The following PSMD1 variants were observed in gnomAD, a reference collection of about 807,000 sequenced individuals.
PSMD1 encodes proteasome 26S subunit, non-ATPase 1.
In PSMD1, 18 loss-of-function variants were observed where a neutral mutation model predicts 119.0. The ratio of observed to expected loss-of-function variants is 0.15; its 90% CI spans 0.10 to 0.22. The LOEUF (loss-of-function observed/expected upper bound fraction) is 0.22, where lower values mean the gene tolerates loss of function less well. Among genes scored for constraint, PSMD1 ranks in the 10% least tolerant of loss-of-function variants. The pLI is 1.00. For missense variants in PSMD1, 702 were observed against 1,158.5 expected (o/e 0.61, Z 5.72); for synonymous variants, 374 against 396.6 (o/e 0.94, Z 0.68).
At position 231,155,788 on chromosome 2, in the gene PSMD1, G is replaced by C. The variant is rs965878893; in HGVS notation, c.2218+2122G>C. 1.3e-5 allele frequency among the ~76,000 whole-genome samples: 2 copies of C among 151,512 alleles called. 1 individual carries two copies. The highest frequency in any genetic ancestry group is 3.9e-4 in the East Asian group (2 of 5,194). ...TTCTGGTTAAAATTTTAATATTGAGGCATAGTTTACTTTTCTCTTTCTTTT... is the reference window on the plus strand; with the variant it reads ...TTCTGGTTAAAATTTTAATATTGAGCCATAGTTTACTTTTCTCTTTCTTTT... On this transcript the variant is annotated intron_variant, in intron 19 of 24. Coordinates refer to ENST00000308696, the MANE Select transcript of PSMD1 (RefSeq NM_002807.4).
At chr2:231,079,509 A>G in intron 10 of PSMD1, 27 bp from the exon 11 acceptor site, 1 of 1,513,378 alleles carries the variant, frequency 6.6e-7, no homozygotes, top group Non-Finnish European at 9.1e-7. Flanking sequence ...TTTAACACTA[A>G]TTAAAATACA....
intron 16 of PSMD1, among the ~76,000 whole-genome samples, chr2:231,134,887 A>G (rs1194526762): frequency 6.6e-6 from 1 of 152,238 alleles, no homozygotes; most frequent in Non-Finnish European, 1.5e-5. Flanking sequence ...CTTAACCATT[A>G]GGCCTTGAAC....
At chr2:231,146,209 A>G (rs1017778231) in intron 17 of PSMD1, 31 bp from the exon 18 acceptor site, 6 of 1,453,594 alleles carry the variant, frequency 4.1e-6, no homozygotes, top group Middle Eastern at 3.5e-4. Flanking sequence ...AACTTTATTT[A>G]AAAGTTGTGT....
In PSMD1 at chr2:231,067,143, G is replaced by A. The variant is rs758096124; in HGVS notation, c.510+32G>A. The A allele has an allele frequency of 7.4e-6, 11 of 1,478,244 alleles. 2 individuals carry two copies. In the South Asian group the frequency reaches 1.5e-4, roughly 20 times the overall value. The allele number at this position is 1,478,244 out of a possible 1,614,324, so 91.6% of individuals were successfully genotyped here. On this transcript the variant is annotated intron_variant, in intron 5 of 24. Coordinates refer to ENST00000308696, the MANE Select transcript of PSMD1 (RefSeq NM_002807.4). ...AGATGATGTTATTTTAGAAATTATT[G>A]TTGATAGGGAATCAGCAAAGCAAGT... is the stretch of plus-strand genomic sequence containing the variant.
intron 16 of PSMD1, chr2:231,114,033 T>C: frequency 1.2e-6 from 1 of 853,346 alleles, no homozygotes; most frequent in Non-Finnish European, 2.0e-6. Flanking sequence ...GTTACTCATC[T>C]GAAATTTTAT....
At chr2:231,139,314 CTT>C (rs60709158) in intron 17 of PSMD1, among the ~76,000 whole-genome samples, 10,086 of 93,920 alleles carry the variant, frequency 0.11, 326 homozygotes, top group African/African-American at 0.18. Flanking sequence ...TTTTTTCTTT[CTT>C]TTTTTTTTTT....
chr2:231,137,152 G>A (rs1332346022), intron 16 of PSMD1, among the ~76,000 whole-genome samples: 2 of 149,550 alleles, frequency 1.3e-5, no homozygotes, highest in Non-Finnish European at 3.0e-5. Flanking sequence ...GAGTCTCGCT[G>A]TCTCACCCAG....
intron 17 of PSMD1, among the ~76,000 whole-genome samples, chr2:231,141,175 G>A (rs1382071081): frequency 6.6e-6 from 1 of 151,950 alleles, no homozygotes; most frequent in Non-Finnish European, 1.5e-5. Flanking sequence ...GTGGTGGCAG[G>A]TGCCTGTAAT....
intron 4 of PSMD1, among the ~76,000 whole-genome samples, chr2:231,066,170 T>C (rs769925919): frequency 6.6e-6 from 1 of 152,260 alleles, no homozygotes; most frequent in Non-Finnish European, 1.5e-5. Flanking sequence ...TTCCAGAATG[T>C]ATTACTGTCA....
At chr2:231,168,464 C>T (rs141549217) in intron 23 of PSMD1, among the ~76,000 whole-genome samples, 1 of 152,218 alleles carries the variant, frequency 6.6e-6, no homozygotes, top group East Asian at 1.9e-4. Flanking sequence ...TATTATTTGA[C>T]CATAAAAAGG....
At chr2:231,065,164 C>A (rs1192799253) in intron 4 of PSMD1, among the ~76,000 whole-genome samples, 2 of 150,854 alleles carry the variant, frequency 1.3e-5, no homozygotes, top group East Asian at 1.9e-4. Flanking sequence ...ATAAATCTTG[C>A]CCTCGTCTTC....
chr2:231,108,469 A>T (rs1332165057), intron 16 of PSMD1: 2 of 1,368,844 alleles, frequency 1.5e-6, no homozygotes, highest in Non-Finnish European at 2.1e-6. Flanking sequence ...TTTACATCTC[A>T]TTCATCATCT....
At chr2:231,116,684 TTAGCCTCACTTTAAAC>T (rs1695347356) in intron 16 of PSMD1, among the ~76,000 whole-genome samples, 1 of 152,088 alleles carries the variant, frequency 6.6e-6, no homozygotes, top group African/African-American at 2.4e-5. Flanking sequence ...TGAAGCCCTG[TTAGCCTCACTTTAAAC>T]AGAATTTATA....
chr2:231,141,379 T>C (rs1026626570), intron 17 of PSMD1, among the ~76,000 whole-genome samples: 1 of 151,892 alleles, frequency 6.6e-6, no homozygotes, highest in Non-Finnish European at 1.5e-5. Context: ...ACATCCCTCC[T>C]TTCCAGTATT....
intron 16 of PSMD1, among the ~76,000 whole-genome samples, chr2:231,126,906 T>C (rs1695735648): frequency 6.6e-6 from 1 of 152,010 alleles, no homozygotes; most frequent in Non-Finnish European, 1.5e-5. Flanking sequence ...TAAATAATTA[T>C]ATAAAAGGAT....
rs1030854239 is a variant in PSMD1, at chr2:231,090,749, C to T, written c.1883+3568C>T. Among the ~76,000 whole-genome samples, 10 of 152,234 alleles carry T rather than the reference C, an allele frequency of 6.6e-5. No homozygotes were observed. In the South Asian group the frequency reaches 2.1e-3, roughly 32 times the overall value. ...CAGTCTAGAAGAAGTTGATTCCATC[C>T]CTCATGGATAACTTTGAGGGGTTCA... On this transcript the variant is annotated intron_variant, in intron 16 of 24. Transcript: ENST00000308696.
intron 16 of PSMD1, among the ~76,000 whole-genome samples, chr2:231,115,827 G>A (rs1451918175): frequency 2.0e-5 from 3 of 152,118 alleles, no homozygotes; most frequent in Non-Finnish European, 2.9e-5. Flanking sequence ...CATCACCTGG[G>A]TACTTAGATA....
chr2:231,071,655 A>G (rs368437475), intron 6 of PSMD1, among the ~76,000 whole-genome samples: 1 of 152,172 alleles, frequency 6.6e-6, no homozygotes, highest in Non-Finnish European at 1.5e-5. Flanking sequence ...TGCCTAAGGG[A>G]ACAAGAAAAT....
chr2:231,108,669 C>T lies in PSMD1; in HGVS notation c.1883+21488C>T, dbSNP rs749068505. The T allele has an allele frequency of 6.8e-6, 11 of 1,613,984 alleles. No homozygotes were observed. The Admixed American group carries it at 1.7e-4, about 24-fold the overall frequency. ...GCAGGGTTAATCCCATTTCGAATTC[C>T]ATGTTTCTTGAAAAACTTAGAGTTC... On this transcript the variant is annotated intron_variant, in intron 16 of 24. Coordinates refer to ENST00000308696, the MANE Select transcript of PSMD1 (RefSeq NM_002807.4).
Sources: gnomAD v4.1 joint callset for allele counts (sites outside exome capture counted in the v4.1 genomes callset) on GRCh38, gnomAD v4.1.1 for gene constraint, MANE v1.5 for transcripts, NCBI Gene and HGNC (gene_info 2026-07-23, HGNC 2026-07-21) for gene names.